The following SAMD3 variants were observed in gnomAD, a reference collection of about 807,000 sequenced individuals.
The protein encoded by SAMD3 is sterile alpha motif domain-containing protein 3.
A neutral mutation model predicts 58.5 loss-of-function variants in SAMD3; 63 were observed. That is an observed-to-expected ratio of 1.08 (90% CI 0.88 to 1.33). The LOEUF is 1.33. Ranked by LOEUF, SAMD3 falls within the 40% of genes most tolerant of loss-of-function variation. The pLI is 0.00. For missense variants in SAMD3, 604 were observed against 608.4 expected, an observed-to-expected ratio of 0.99 and a Z score of 0.08; for synonymous variants, 220 against 210.3, an observed-to-expected ratio of 1.05 and a Z score of -0.40.
intron 8 of SAMD3, among the ~76,000 whole-genome samples, chr6:130,164,034 T>C (rs2114624248): frequency 7.1e-6 from 1 of 141,578 alleles, no homozygotes; most frequent in Non-Finnish European, 1.5e-5. Context: ...AAGAACATCC[T>C]AAAAGCATTT....
intron 1 of SAMD3, among the ~76,000 whole-genome samples, chr6:130,357,335 A>G (rs918347560): frequency 1.3e-5 from 2 of 152,050 alleles, no homozygotes; most frequent in African/African-American, 2.4e-5. Flanking sequence ...CGTGTTAGCC[A>G]GGATGGTCTT....
chr6:130,283,534 AATT>A (rs1044838810), intron 2 of SAMD3, among the ~76,000 whole-genome samples: 1 of 152,228 alleles, frequency 6.6e-6, no homozygotes, highest in African/African-American at 2.4e-5. Context: ...AAGAAACAAA[AATT>A]ATGCTGTCAC....
chr6:130,145,479 G>T, intron 10 of SAMD3, 57 bp from the exon 11 acceptor site: 1 of 1,205,056 alleles, frequency 8.3e-7, no homozygotes, highest in African/African-American at 1.5e-5. Flanking sequence ...GCAATTGTAA[G>T]CTAAGCTAGT....
At chr6:130,199,702 G>C (rs919469797) in intron 5 of SAMD3, among the ~76,000 whole-genome samples, 2 of 152,160 alleles carry the variant, frequency 1.3e-5, no homozygotes, top group African/African-American at 4.8e-5. Context: ...AACAAGGTGA[G>C]ATGCTGTCTC....
chr6:130,172,102 T>A (rs1266779987), intron 8 of SAMD3, among the ~76,000 whole-genome samples: 1 of 152,228 alleles, frequency 6.6e-6, no homozygotes, highest in Admixed American at 6.5e-5. Context: ...CCTATGTGTG[T>A]CTTTGCACCT....
chr6:130,266,584 TCCATTTAGTAAATTCCCAAAGTTGCAAA>T (rs1338803571), intron 2 of SAMD3, among the ~76,000 whole-genome samples: 1 of 151,860 alleles, frequency 6.6e-6, no homozygotes, highest in African/African-American at 2.4e-5. Flanking sequence ...CTAAAAAAAA[TCCATTTAGTAAATTCCCAAAGTTGCAAA>T]CCATGTAGAT....
At chr6:130,175,705 T>C in intron 8 of SAMD3, 136 bp downstream of exon 8, 1 of 540,254 alleles carries the variant, frequency 1.9e-6, no homozygotes, top group Non-Finnish European at 3.1e-6. Context: ...ACAGACTTTC[T>C]TGGTTCTTAA....
chr6:130,197,305 A>C (rs916661093), intron 5 of SAMD3, among the ~76,000 whole-genome samples: 10 of 152,176 alleles, frequency 6.6e-5, no homozygotes, highest in Admixed American at 3.9e-4. Flanking sequence ...ACCGTTCTCA[A>C]CTACTCATAC....
At chr6:130,326,442 T>C (rs1231702865) in intron 1 of SAMD3, among the ~76,000 whole-genome samples, 1 of 151,370 alleles carries the variant, frequency 6.6e-6, no homozygotes, top group Non-Finnish European at 1.5e-5. Flanking sequence ...AGTAACTTTT[T>C]TCTGAAGTCC....
chr6:130,221,101 A>C (rs543193340), intron 1 of SAMD3, among the ~76,000 whole-genome samples: 1 of 151,912 alleles, frequency 6.6e-6, no homozygotes, highest in Non-Finnish European at 1.5e-5. Flanking sequence ...TGATCTGCCC[A>C]CCTTGGCCTC....
intron 7 of SAMD3, among the ~76,000 whole-genome samples, chr6:130,179,210 C>T (rs992042057): frequency 2.2e-4 from 33 of 152,182 alleles, no homozygotes; most frequent in Non-Finnish European, 2.6e-4. Flanking sequence ...AAATCAAATA[C>T]AATCTTCCAC....
chr6:130,324,474 A>T (rs1477614986), intron 1 of SAMD3, among the ~76,000 whole-genome samples: 1 of 152,210 alleles, frequency 6.6e-6, no homozygotes, highest in African/African-American at 2.4e-5. Context: ...AGGCATAATT[A>T]TTTTTGGAAC....
At chr6:130,258,459 CA>C (rs1773999688) in intron 2 of SAMD3, among the ~76,000 whole-genome samples, 1 of 152,072 alleles carries the variant, frequency 6.6e-6, no homozygotes, top group South Asian at 2.1e-4. Flanking sequence ...TGTGTATTTC[CA>C]GTCTTATTTT....
intron 2 of SAMD3, among the ~76,000 whole-genome samples, chr6:130,296,796 G>C (rs1377172212): frequency 4.6e-5 from 7 of 152,126 alleles, no homozygotes; most frequent in Non-Finnish European, 1.0e-4. Context: ...GGTGTGTCCA[G>C]GGCCTGCAGC....
intron 1 of SAMD3, among the ~76,000 whole-genome samples, chr6:130,336,837 G>C (rs1478370139): frequency 2.6e-5 from 4 of 152,138 alleles, no homozygotes; most frequent in African/African-American, 7.2e-5. Context: ...ACACAATTTT[G>C]TGGTGGTCTT....
At chr6:130,255,734 T>TC (rs1242986597) in intron 2 of SAMD3, among the ~76,000 whole-genome samples, 18 of 151,938 alleles carry the variant, frequency 1.2e-4, no homozygotes, top group Non-Finnish European at 2.6e-4. Context: ...ACTCAAGCGA[T>TC]CCCCCCACCT....
intron 1 of SAMD3, among the ~76,000 whole-genome samples, chr6:130,327,273 A>T (rs1776789145): frequency 1.3e-5 from 2 of 152,194 alleles, no homozygotes; most frequent in African/African-American, 4.8e-5. Flanking sequence ...CTTTAAAAAA[A>T]ATCAGAGGCT....
rs1203808866 is a variant in SAMD3, at chr6:130,184,178, G to T, written c.579C>A (p.Ser193Arg). Residue 193 changes from serine (S) to arginine (R), a missense_variant, in exon 7 of 12, where the codon AGC becomes AGA. Ser to Arg is a moderately radical substitution (Grantham distance 110). Transcript: ENST00000439090. ...TKYLEGSLYP[S>R]TQQYNDVVNA... Reference sequence around the variant, plus strand: ...TAACCACGTCATTGTACTGCTGGGTGCTGGGGTACCTGTTCACCAAAACAA... The same window carrying T: ...TAACCACGTCATTGTACTGCTGGGTTCTGGGGTACCTGTTCACCAAAACAA... The T allele has an allele frequency of 6.2e-7, 1 of 1,609,440 alleles. No individual in the cohort carries two copies. The highest frequency in any genetic ancestry group is 1.3e-5 in the African/African-American group (1 of 74,804).
rs569126244 is a variant in SAMD3, at chr6:130,351,062, T to C, written c.-304+14058A>G. ...AACTGGATCCCTTCCTTACACCTTATACAAAAATTAATTGGGGATGGATTA... is the reference window on the plus strand; with the variant it reads ...AACTGGATCCCTTCCTTACACCTTACACAAAAATTAATTGGGGATGGATTA... On this transcript the variant is annotated intron_variant, in intron 1 of 13. Coordinates refer to the SAMD3 transcript ENST00000368134. Among the ~76,000 whole-genome samples, 4 of 152,240 alleles carry C rather than the reference T, an allele frequency of 2.6e-5. No individual in the cohort carries two copies. In the East Asian group the frequency reaches 7.7e-4, roughly 29 times the overall value.
Sources: allele counts gnomAD v4.1 joint callset (sites outside exome capture counted in the v4.1 genomes callset), GRCh38; gene constraint gnomAD v4.1.1; transcripts MANE v1.5; gene names NCBI Gene and HGNC (gene_info 2026-07-23, HGNC 2026-07-21).